RCOR3: variants seen among roughly 807,000 people sequenced by gnomAD.
RCOR3 encodes REST corepressor 3.
RCOR3 carries 13 observed loss-of-function variants against 64.1 expected under a neutral mutation model. That is an observed-to-expected ratio of 0.20 (90% confidence interval 0.13 to 0.32). The LOEUF (loss-of-function observed/expected upper bound fraction) is 0.32, where lower values mean the gene tolerates loss of function less well. Among genes scored for constraint, RCOR3 ranks in the 10% least tolerant of loss-of-function variants. The probability of loss-of-function intolerance (pLI) is 1.00; values close to 1 mark genes in which losing one functional copy is unlikely to be tolerated. For synonymous variants in RCOR3, 215 were observed against 239.0 expected (o/e 0.90, Z 0.93); for missense variants, 489 against 701.2 (o/e 0.70, Z 3.42).
In RCOR3 at chr1:211,313,827, C is replaced by A; in HGVS notation, c.*59C>A. Reference sequence around the variant, plus strand: ...ACCCCATCATTATACCAGTGCTCATCTGACTGATGAAAAAGAGGAAAGAAT... The same window carrying A: ...ACCCCATCATTATACCAGTGCTCATATGACTGATGAAAAAGAGGAAAGAAT... On this transcript the variant is annotated 3_prime_UTR_variant, in exon 12 of 12. Coordinates refer to ENST00000419091, the MANE Select transcript of RCOR3 (RefSeq NM_001136223.3). The surrounding 1 kb of genome is among the most constrained non-coding windows in gnomAD (Gnocchi z 4.7). 2 of 1,393,532 alleles carry A rather than the reference C, an allele frequency of 1.4e-6. No individual in the cohort carries two copies. Among genetic ancestry groups the A allele is most frequent in the Non-Finnish European group, 2.0e-6 (2 of 1,001,276 alleles). 86.3% of individuals were successfully genotyped at this position (1,393,532 alleles called of 1,614,324 possible). A position where few individuals can be genotyped will look rare whatever the true frequency, so the allele number is the denominator to read the frequency against.
chr1:211,310,064 T>C (rs529179866), intron 10 of RCOR3, among the ~76,000 whole-genome samples: 2 of 152,320 alleles, frequency 1.3e-5, no homozygotes, highest in East Asian at 1.9e-4. Context: ...AATGAGGCTT[T>C]ATAGGGAAGA....
chr1:211,272,975 T>A (rs1235840371), intron 3 of RCOR3, among the ~76,000 whole-genome samples: 1 of 152,172 alleles, frequency 6.6e-6, no homozygotes, highest in African/African-American at 2.4e-5. Flanking sequence ...TAGCCAGGTT[T>A]GGAAACCACA....
At position 211,315,828 on chromosome 1, in the gene RCOR3, G is replaced by A. The variant is rs1325828382; in HGVS notation, c.*2060G>A. The A allele has an allele frequency of 6.6e-6, 1 of 152,146 alleles. No individual in the cohort carries two copies. Among genetic ancestry groups the A allele is most frequent in the Non-Finnish European group, 1.5e-5 (1 of 68,016 alleles). 9.4% of individuals were successfully genotyped at this position (152,146 alleles called of 1,614,324 possible). A position where few individuals can be genotyped will look rare whatever the true frequency, so the allele number is the denominator to read the frequency against. On this transcript the variant is annotated 3_prime_UTR_variant, in exon 12 of 12. Coordinates refer to ENST00000419091, the MANE Select transcript of RCOR3 (RefSeq NM_001136223.3). ...TGTAATTTGATTTACATGCATTAGA[G>A]CACACAGTAGAAAAACTTTAGCTTC...
intron 2 of RCOR3, among the ~76,000 whole-genome samples, chr1:211,268,749 T>G (rs1330291582): frequency 6.6e-6 from 1 of 152,240 alleles, no homozygotes; most frequent in African/African-American, 2.4e-5. Flanking sequence ...TCTCAGCTCA[T>G]GCTTTTGTGT....
chr1:211,315,548 G>T lies in RCOR3; in HGVS notation c.*1780G>T, dbSNP rs2102692433. 6.6e-6 allele frequency: 1 copy of T among 152,248 alleles called. No individual in the cohort carries two copies. The highest frequency in any genetic ancestry group is 2.1e-4 in the South Asian group (1 of 4,824). The allele number at this position is 152,248 out of a possible 1,614,324, so 9.4% of individuals were successfully genotyped here. ...ACTTATTTTTTCCTTAAAAGCCACA[G>T]GGGACAGTTAAATATCTTAAAATAT... On this transcript the variant is annotated 3_prime_UTR_variant, in exon 12 of 12. Transcript: ENST00000419091.
chr1:211,286,319 T>C (rs1698518861), intron 7 of RCOR3, among the ~76,000 whole-genome samples: 1 of 151,190 alleles, frequency 6.6e-6, no homozygotes, highest in Admixed American at 6.6e-5. Context: ...TTTCTTTTTT[T>C]TTTTTTTTGA....
In RCOR3 at chr1:211,313,284, T is replaced by A. The variant is rs977298741; in HGVS notation, c.1318-140T>A. The A allele has an allele frequency of 6.9e-7, 1 of 1,439,018 alleles. No homozygotes were observed. Among genetic ancestry groups the A allele is most frequent in the Admixed American group, 2.9e-5 (1 of 34,008 alleles). The allele number at this position is 1,439,018 out of a possible 1,614,324, so 89.1% of individuals were successfully genotyped here. A position where few individuals can be genotyped will look rare whatever the true frequency, so the allele number is the denominator to read the frequency against. On this transcript the variant is annotated intron_variant, in intron 11 of 11. Coordinates refer to ENST00000419091, the MANE Select transcript of RCOR3 (RefSeq NM_001136223.3). This position sits in a 1 kb window ranked among gnomAD's most constrained non-coding sequence, Gnocchi z 4.7. ...TGTTTTGTTTAAAATAAAAGAAGCT[T>A]GTGCTTCCAATAAACACTGGTGTTA...
intron 2 of RCOR3, among the ~76,000 whole-genome samples, chr1:211,264,101 G>A (rs1002016651): frequency 3.9e-5 from 6 of 152,158 alleles, no homozygotes; most frequent in Non-Finnish European, 8.8e-5. Flanking sequence ...GGGATTACAC[G>A]GTTGAGCCAC....
chr1:211,260,104 G>T lies in RCOR3; in HGVS notation c.167-4G>T, dbSNP rs1442860638. ...TATATATATTTTTTGGCATTGCTTT[G>T]CAGATGTTGGGATGAGAGTCGGAGC... On this transcript the variant is annotated splice_polypyrimidine_tract_variant and splice_region_variant and intron_variant, in intron 1 of 11. Transcript: ENST00000419091. The T allele has an allele frequency of 1.2e-6, 2 of 1,605,898 alleles. No individual in the cohort carries two copies. Among genetic ancestry groups the T allele is most frequent in the African/African-American group, 2.7e-5 (2 of 74,172 alleles).
intron 2 of RCOR3, among the ~76,000 whole-genome samples, chr1:211,261,931 A>AAAAAC (rs1694359628): frequency 6.8e-6 from 1 of 146,222 alleles, no homozygotes; most frequent in Non-Finnish European, 1.5e-5. Flanking sequence ...CTCAAAAAAA[A>AAAAAC]AAAAAAAAAA....
rs915787527 is a variant in RCOR3 at position 211,260,133 on chromosome 1, A to G, written c.192A>G (p.Glu64=). Residue 64 remains glutamate (E), a synonymous_variant, in exon 2 of 12, where the codon GAA becomes GAG. Coordinates refer to ENST00000419091, the MANE Select transcript of RCOR3 (RefSeq NM_001136223.3). ...EHDVGMRVGA[E]YQARIPEFDP... ...ATGTTGGGATGAGAGTCGGAGCCGA[A>G]TACCAAGCTCGGATCCCTGAATTTG... The G allele has an allele frequency of 1.2e-6, 2 of 1,612,362 alleles. No individual in the cohort carries two copies. Among genetic ancestry groups the G allele is most frequent in the Non-Finnish European group, 1.7e-6 (2 of 1,178,940 alleles).
intron 5 of RCOR3, among the ~76,000 whole-genome samples, 168 bp downstream of exon 5, chr1:211,276,586 T>C (rs1696985162): frequency 6.6e-6 from 1 of 152,234 alleles, no homozygotes; most frequent in African/African-American, 2.4e-5. Context: ...CACTCTTACA[T>C]GACAGTTATG....
intron 3 of RCOR3, among the ~76,000 whole-genome samples, chr1:211,272,652 C>T (rs1377135885): frequency 1.3e-4 from 12 of 90,272 alleles, no homozygotes; most frequent in Admixed American, 1.9e-4. Flanking sequence ...GACGGAGTCT[C>T]GCTCTGTCGC....
chr1:211,283,888 T>G lies in RCOR3; in HGVS notation c.720+4572T>G, dbSNP rs911708966. Among the ~76,000 whole-genome samples the G allele has an allele frequency of 5.9e-5, 9 of 151,986 alleles. No individual in the cohort carries two copies. In the East Asian group the frequency reaches 7.7e-4, roughly 13 times the overall value. ...AAGACTGAATATAAAAAGTTTTTTC[T>G]TATTGAATTCTTTGTATATTCTGGA... On this transcript the variant is annotated intron_variant, in intron 7 of 11. Transcript: ENST00000419091.
At chr1:211,300,414 T>C (rs1435886614) in intron 9 of RCOR3, among the ~76,000 whole-genome samples, 1 of 152,176 alleles carries the variant, frequency 6.6e-6, no homozygotes, top group Non-Finnish European at 1.5e-5. Context: ...AAGGTTAGCA[T>C]TGGCACTGAT....
At chr1:211,270,713 C>T (rs551645394) in intron 2 of RCOR3, among the ~76,000 whole-genome samples, 9 of 152,270 alleles carry the variant, frequency 5.9e-5, no homozygotes, top group Admixed American at 3.3e-4. Context: ...AAGGGATAAA[C>T]CGGCATTTGC....
At chr1:211,265,634 G>A (rs1695060374) in intron 2 of RCOR3, among the ~76,000 whole-genome samples, 1 of 152,168 alleles carries the variant, frequency 6.6e-6, no homozygotes, top group South Asian at 2.1e-4. Flanking sequence ...CAGGAGAATT[G>A]CTTGAACCTG....
At position 211,272,443 on chromosome 1, in the gene RCOR3, T is replaced by C. The variant is rs145684920; in HGVS notation, c.301+1134T>C. Among the ~76,000 whole-genome samples the C allele has an allele frequency of 3.1e-3, 473 of 152,172 alleles. 4 individuals carry two copies. The highest frequency in any genetic ancestry group is 0.011 in the African/African-American group (444 of 41,526). On this transcript the variant is annotated intron_variant, in intron 3 of 11. Coordinates refer to ENST00000419091, the MANE Select transcript of RCOR3 (RefSeq NM_001136223.3). ...ACAAAATTCAGCCAGAGTGTGCTGG[T>C]AGTGTAGTGTTCATGCGGAATATTT...
At chr1:211,292,381 C>T (rs1019430787) in intron 8 of RCOR3, among the ~76,000 whole-genome samples, 2 of 152,204 alleles carry the variant, frequency 1.3e-5, no homozygotes, top group African/African-American at 4.8e-5. Context: ...ACTTCTAAAT[C>T]ATTTGCTGTA....
Sources: allele counts gnomAD v4.1 joint callset (sites outside exome capture counted in the v4.1 genomes callset), GRCh38; gene constraint gnomAD v4.1.1; non-coding constraint Gnocchi (gnomAD v3.1); transcripts MANE v1.5; gene names NCBI Gene and HGNC (gene_info 2026-07-23, HGNC 2026-07-21).